PDE1A: variants seen among roughly 807,000 people sequenced by gnomAD.
The protein encoded by PDE1A is dual specificity calcium/calmodulin-dependent 3',5'-cyclic nucleotide phosphodiesterase 1A.
In PDE1A, 35 loss-of-function variants were observed where a neutral mutation model predicts 61.7. That is an observed-to-expected ratio of 0.57 (90% CI 0.43 to 0.75). The LOEUF is 0.75. Among genes scored for constraint, PDE1A ranks in the 30% least tolerant of loss-of-function variants. PDE1A has a pLI of 0.00. For missense variants in PDE1A, 597 were observed against 630.6 expected (o/e 0.95, Z 0.57); for synonymous variants, 232 against 213.2 (o/e 1.09, Z -0.77).
intron 1 of PDE1A, among the ~76,000 whole-genome samples, chr2:182,312,285 T>C (rs1453074480): frequency 6.6e-6 from 1 of 152,116 alleles, no homozygotes; most frequent in Non-Finnish European, 1.5e-5. Context: ...GAGCAAACCT[T>C]TGTGGTTTTT....
intron 1 of PDE1A, among the ~76,000 whole-genome samples, chr2:182,344,296 T>A (rs1374397087): frequency 6.6e-6 from 1 of 152,204 alleles, no homozygotes; most frequent in Non-Finnish European, 1.5e-5. Context: ...ATATATATAA[T>A]GTTTACAAAG....
At chr2:182,510,953 T>C (rs1416368047) in intron 2 of PDE1A, among the ~76,000 whole-genome samples, 3 of 152,164 alleles carry the variant, frequency 2.0e-5, no homozygotes, top group East Asian at 3.9e-4. Context: ...ACAACCCTAC[T>C]CTGTGCATTG....
chr2:182,714,805 C>T, the PDE1A span, among the ~76,000 whole-genome samples: 8 of 152,104 alleles, frequency 5.3e-5, no homozygotes, highest in Non-Finnish European at 2.9e-5. Flanking sequence ...GTGATCCACC[C>T]GCCTCAGCCC....
intron 2 of PDE1A, among the ~76,000 whole-genome samples, chr2:182,433,523 A>C (rs1482682120): frequency 6.6e-6 from 1 of 152,104 alleles, no homozygotes; most frequent in Non-Finnish European, 1.5e-5. Context: ...GGATTTAAGA[A>C]ATAATTTTTG....
At chr2:182,454,311 A>T (rs913507210) in intron 2 of PDE1A, among the ~76,000 whole-genome samples, 6 of 152,174 alleles carry the variant, frequency 3.9e-5, no homozygotes, top group Non-Finnish European at 7.4e-5. Context: ...CATGGGTAGG[A>T]AGAATCAATA....
chr2:182,492,099 C>T (rs1688430750), intron 2 of PDE1A, among the ~76,000 whole-genome samples: 1 of 152,106 alleles, frequency 6.6e-6, no homozygotes, highest in Admixed American at 6.5e-5. Flanking sequence ...TTGCCAATAT[C>T]AATACAGTTG....
chr2:182,429,817 T>C (rs562946513), upstream of PDE1A, among the ~76,000 whole-genome samples: 4 of 152,184 alleles, frequency 2.6e-5, no homozygotes, highest in Non-Finnish European at 4.4e-5. Flanking sequence ...GCTGTGTTTG[T>C]AATACACAAG....
intron 2 of PDE1A, among the ~76,000 whole-genome samples, chr2:182,487,340 T>G (rs1574777384): frequency 6.6e-6 from 1 of 152,154 alleles, no homozygotes; most frequent in East Asian, 1.9e-4. Flanking sequence ...GTATGGCCGC[T>G]CTGGAAGATT....
At chr2:182,672,790 G>A in the PDE1A span, among the ~76,000 whole-genome samples, 1 of 152,178 alleles carries the variant, frequency 6.6e-6, no homozygotes, top group Non-Finnish European at 1.5e-5. Context: ...TTTCCACTTT[G>A]GTTGGGCTAA....
At chr2:182,490,447 C>T (rs945171400) in intron 2 of PDE1A, among the ~76,000 whole-genome samples, 1 of 152,222 alleles carries the variant, frequency 6.6e-6, no homozygotes, top group African/African-American at 2.4e-5. Flanking sequence ...CCTCGGCTCA[C>T]TGCAAACTGC....
upstream of PDE1A, among the ~76,000 whole-genome samples, chr2:182,428,939 A>T (rs1346997625): frequency 6.6e-6 from 1 of 152,166 alleles, no homozygotes; most frequent in Non-Finnish European, 1.5e-5. Flanking sequence ...GCCAAGGTAC[A>T]GTTCAAACGG....
At chr2:182,186,354 C>T in intron 12 of PDE1A, 114 bp downstream of exon 12, 5 of 1,266,704 alleles carry the variant, frequency 3.9e-6, no homozygotes, top group Non-Finnish European at 4.5e-6. Flanking sequence ...TGGCAATACT[C>T]CCTAATAATT....
At chr2:182,297,304 T>A (rs1694950858) in intron 1 of PDE1A, among the ~76,000 whole-genome samples, 1 of 151,926 alleles carries the variant, frequency 6.6e-6, no homozygotes, top group Non-Finnish European at 1.5e-5. Flanking sequence ...AAAATCCTAC[T>A]AACCCTCTTT....
At chr2:182,572,868 C>G in the PDE1A span, among the ~76,000 whole-genome samples, 4 of 53,012 alleles carry the variant, frequency 7.5e-5, no homozygotes, top group Non-Finnish European at 1.7e-4. Context: ...GACTCTGTCT[C>G]AAAAAAAAAA....
chr2:182,530,706 A>C, the PDE1A span, among the ~76,000 whole-genome samples: 1 of 152,206 alleles, frequency 6.6e-6, no homozygotes, highest in Non-Finnish European at 1.5e-5. Context: ...AGGTAAAACT[A>C]AGACAATAAC....
intron 13 of PDE1A, among the ~76,000 whole-genome samples, chr2:182,172,531 C>T (rs1692323245): frequency 6.6e-6 from 1 of 152,002 alleles, no homozygotes; most frequent in Non-Finnish European, 1.5e-5. Flanking sequence ...GCCAGAACCT[C>T]GATAAGGCAT....
intron 5 of PDE1A, 46 bp downstream of exon 5, chr2:182,230,969 A>G (rs1040230097): frequency 1.6e-5 from 15 of 914,830 alleles, no homozygotes; most frequent in Non-Finnish European, 2.4e-5. Flanking sequence ...TTCTTACTCA[A>G]ATAACCAATT....
At chr2:182,497,344 T>G (rs553842534) in intron 2 of PDE1A, among the ~76,000 whole-genome samples, 1 of 152,160 alleles carries the variant, frequency 6.6e-6, no homozygotes, top group African/African-American at 2.4e-5. Flanking sequence ...TAAAGATCCC[T>G]GAAAAGATGC....
the PDE1A span, among the ~76,000 whole-genome samples, chr2:182,589,395 G>A: frequency 1.3e-5 from 2 of 152,024 alleles, no homozygotes; most frequent in Non-Finnish European, 2.9e-5. Flanking sequence ...GTGTGCAAGT[G>A]TAGAGATTCC....
Sources: gnomAD v4.1 joint callset for allele counts (sites outside exome capture counted in the v4.1 genomes callset) on GRCh38, gnomAD v4.1.1 for gene constraint, MANE v1.5 for transcripts, NCBI Gene and HGNC (gene_info 2026-07-23, HGNC 2026-07-21) for gene names.